The following PPFIA4 variants were observed in gnomAD, a reference collection of about 807,000 sequenced individuals.
PPFIA4 encodes the protein liprin-alpha-4.
PPFIA4 carries 98 observed loss-of-function variants against 145.7 expected under a neutral mutation model. The observed-to-expected ratio is 0.67, with a 90% CI of 0.57 to 0.80. The LOEUF (loss-of-function observed/expected upper bound fraction) is 0.80. PPFIA4 is among the 30% of genes least tolerant of loss of function. The pLI, the probability that PPFIA4 is intolerant of heterozygous loss-of-function variation, is 0.00. For missense variants in PPFIA4, 1,457 were observed against 1,632.7 expected (o/e 0.89, Z 1.85); for synonymous variants, 628 against 649.6 (o/e 0.97, Z 0.51).
chr1:203,043,520 TCG>T lies in PPFIA4; in HGVS notation c.336+32_336+33del, dbSNP rs753597742. ...ACGGGTAAGTGGGGATGACCTTGTG[TCG>T]CGCGCGCGCACGTGTGTGTGTGTGT... On this transcript the variant is annotated intron_variant, in intron 3 of 29. Transcript: ENST00000295706. This position sits in a 1 kb window ranked among gnomAD's most constrained non-coding sequence, Gnocchi z 4.4. The T allele has an allele frequency of 3.2e-5, 50 of 1,584,384 alleles. No individual in the cohort carries two copies. The African/African-American group carries it at 3.8e-4, about 12-fold the overall frequency.
At chr1:203,063,626 T>A in intron 24 of PPFIA4, 2 of 555,818 alleles carry the variant, frequency 3.6e-6, no homozygotes. Flanking sequence ...CATTTCGAGA[T>A]CTTAAAAAGT....
At position 203,075,467 on chromosome 1, in the gene PPFIA4, G is replaced by A. The variant is rs878941985; in HGVS notation, c.3394-110G>A. On this transcript the variant is annotated intron_variant, in intron 28 of 29. Coordinates refer to ENST00000295706, the MANE Select transcript of PPFIA4 (RefSeq NM_001304331.2). This position sits in a 1 kb window ranked among gnomAD's most constrained non-coding sequence, Gnocchi z 4.1. ...GTGACCTCGCTCCCTCTTTCCAAAG[G>A]GGTGGGAGTGGTGCCCCTTGAACCA... 231 of 879,068 alleles carry A rather than the reference G, an allele frequency of 2.6e-4. No homozygotes were observed. The highest frequency in any genetic ancestry group is 1.0e-3 in the South Asian group (26 of 25,916). 54.5% of individuals were successfully genotyped at this position (879,068 alleles called of 1,614,324 possible).
chr1:203,038,865 T>C lies in PPFIA4; in HGVS notation c.-144T>C. 1.7e-6 allele frequency: 1 copy of C among 591,746 alleles called. No individual in the cohort carries two copies. Among genetic ancestry groups the C allele is most frequent in the South Asian group, 2.1e-5 (1 of 47,730 alleles). 36.7% of individuals were successfully genotyped at this position (591,746 alleles called of 1,614,324 possible). A position where few individuals can be genotyped will look rare whatever the true frequency, so the allele number is the denominator to read the frequency against. ...CCCCTTTCAGAGCAAAAGCAACTGA[T>C]GCTATGGGAGAAGCCCCTGCCCACC... On this transcript the variant is annotated 5_prime_UTR_variant, in exon 2 of 30. It removes an upstream start codon present in the reference 5' UTR. Coordinates refer to ENST00000295706, the MANE Select transcript of PPFIA4 (RefSeq NM_001304331.2).
chr1:203,054,671 G>GACACACAC (rs57027876), intron 15 of PPFIA4, among the ~76,000 whole-genome samples: 206 of 148,406 alleles, frequency 1.4e-3, no homozygotes, highest in African/African-American at 2.1e-3. Flanking sequence ...TTACAAAGAA[G>GACACACAC]ACACACACAC....
chr1:203,031,832 T>C (rs1167949258), intron 1 of PPFIA4, among the ~76,000 whole-genome samples: 1 of 152,242 alleles, frequency 6.6e-6, no homozygotes, highest in Non-Finnish European at 1.5e-5. Flanking sequence ...GCAGAAGATG[T>C]CTAGGGTTTT....
intron 25 of PPFIA4, 120 bp downstream of exon 25, chr1:203,064,123 A>T: frequency 9.3e-7 from 1 of 1,073,244 alleles, no homozygotes; most frequent in Non-Finnish European, 1.3e-6. Context: ...GAGTGGCAAC[A>T]GGTCTCCCCC....
chr1:203,057,120 C>T (rs1007239377), intron 19 of PPFIA4, among the ~76,000 whole-genome samples, 170 bp downstream of exon 19: 8 of 152,300 alleles, frequency 5.3e-5, no homozygotes, highest in African/African-American at 1.2e-4. Context: ...CTATTCATGG[C>T]GGGGTGGATT....
At chr1:203,038,125 A>G (rs1659433968) in intron 1 of PPFIA4, among the ~76,000 whole-genome samples, 1 of 152,178 alleles carries the variant, frequency 6.6e-6, no homozygotes, top group Non-Finnish European at 1.5e-5. Context: ...GGACCCCAAG[A>G]GTCCAGCCTT....
intron 1 of PPFIA4, among the ~76,000 whole-genome samples, chr1:203,032,426 C>CTTTTTTTTTTTTT (rs67178955): frequency 0.14 from 8,015 of 58,742 alleles, 435 homozygotes; most frequent in East Asian, 0.21. Context: ...CCCTTCCCCG[C>CTTTTTTTTTTTTT]TTTTTTGTTG....
At chr1:203,049,635 T>G in intron 12 of PPFIA4, 41 bp from the exon 13 acceptor site, 6 of 730,750 alleles carry the variant, frequency 8.2e-6, no homozygotes, top group Non-Finnish European at 1.0e-5. Flanking sequence ...TGCCCCTCCC[T>G]GGCCCCCACT....
chr1:203,037,503 C>A (rs1042067234), intron 1 of PPFIA4, among the ~76,000 whole-genome samples: 29 of 152,330 alleles, frequency 1.9e-4, no homozygotes, highest in African/African-American at 7.0e-4. Context: ...TGAAGACAGT[C>A]CTCTCTGAAA....
intron 27 of PPFIA4, among the ~76,000 whole-genome samples, chr1:203,069,881 G>A (rs1265745805): frequency 2.0e-5 from 3 of 151,238 alleles, no homozygotes; most frequent in East Asian, 2.0e-4. Context: ...GGCAAGCCTC[G>A]TCTGCCACTT....
At chr1:203,059,324 T>G in intron 20 of PPFIA4, 53 bp downstream of exon 20, 1 of 1,388,734 alleles carries the variant, frequency 7.2e-7, no homozygotes, top group Non-Finnish European at 1.0e-6. Context: ...CCCTACCCAC[T>G]TCCCTTCCCC....
rs1008467959 is a variant in PPFIA4, at chr1:203,048,986, C to T, written c.1419+6C>T. 24 of 1,548,400 alleles carry T rather than the reference C, an allele frequency of 1.5e-5. No individual in the cohort carries two copies. Among genetic ancestry groups the T allele is most frequent in the Middle Eastern group, 2.1e-4 (1 of 4,720 alleles). ...AGGAGCAGCACCACCACAAGGTACC[C>T]GGCTGCGGCCAGCCCCGCCCAGCCT... On this transcript the variant is annotated splice_donor_region_variant and intron_variant, in intron 12 of 29. Transcript: ENST00000295706. The surrounding 1 kb of genome is among the most constrained non-coding windows in gnomAD (Gnocchi z 5.8).
chr1:203,049,673 C>T lies in PPFIA4; in HGVS notation c.1420-3C>T, dbSNP rs1382504662. ...CGCCCCCACCCCGGGTCTGCTGGCACAGGGCCGCCTGTCTGAAGAGATTGA... is the reference window on the plus strand; with the variant it reads ...CGCCCCCACCCCGGGTCTGCTGGCATAGGGCCGCCTGTCTGAAGAGATTGA... On this transcript the variant is annotated splice_region_variant and splice_polypyrimidine_tract_variant and intron_variant, in intron 12 of 29. Coordinates refer to ENST00000295706, the MANE Select transcript of PPFIA4 (RefSeq NM_001304331.2). 1.9e-6 allele frequency: 3 copies of T among 1,542,414 alleles called. No homozygotes were observed. Among genetic ancestry groups the T allele is most frequent in the Non-Finnish European group, 2.6e-6 (3 of 1,143,054 alleles).
rs183469434 is a variant in PPFIA4, at chr1:203,038,981, C to G, written c.-28C>G. 7.8e-7 allele frequency: 1 copy of G among 1,276,086 alleles called. No individual in the cohort carries two copies. The allele number at this position is 1,276,086 out of a possible 1,614,324, so 79.0% of individuals were successfully genotyped here. On this transcript the variant is annotated 5_prime_UTR_variant, in exon 2 of 30. Coordinates refer to ENST00000295706, the MANE Select transcript of PPFIA4 (RefSeq NM_001304331.2). Reference sequence around the variant, plus strand: ...CTGTGAGTCCCTCCCTGTCCCCTGACGCTGAGAAGGCCCTGCCAACCCCCA... The same window carrying G: ...CTGTGAGTCCCTCCCTGTCCCCTGAGGCTGAGAAGGCCCTGCCAACCCCCA...
chr1:203,034,634 G>C (rs115130532), intron 1 of PPFIA4: 261 of 456,706 alleles, frequency 5.7e-4, no homozygotes, highest in African/African-American at 5.0e-3. Context: ...TGGGTGCGTG[G>C]AGGATGGGGC....
At chr1:203,030,031 T>C (rs542940465) in intron 1 of PPFIA4, among the ~76,000 whole-genome samples, 1 of 152,370 alleles carries the variant, frequency 6.6e-6, no homozygotes, top group African/African-American at 2.4e-5. Context: ...GTTAGATATA[T>C]ACTTGATGTG....
chr1:203,045,471 C>A lies in PPFIA4; in HGVS notation c.770C>A (p.Thr257Asn). 6.2e-7 allele frequency: 1 copy of A among 1,609,688 alleles called. No homozygotes were observed. The highest frequency in any genetic ancestry group is 8.5e-7 in the Non-Finnish European group (1 of 1,178,640). ...CTGGTCACCCTAACAACAACCGTGA[C>A]TGAACTCGAGGAGGACCTGGGCACG... Reference protein sequence around the residue: ...ERLVTLTTTVTELEEDLGTAR... With the variant: ...ERLVTLTTTVNELEEDLGTAR... The change falls in exon 7 of 30, where the codon ACT becomes AAT. Residue 257 changes from threonine (T) to asparagine (N), a missense_variant. Around this residue, in one of 3 missense-constraint regions of PPFIA4, gnomAD observed 463 missense variants for 459.8 expected, o/e 1.01. Transcript: ENST00000295706.
Sources: allele counts gnomAD v4.1 joint callset (sites outside exome capture counted in the v4.1 genomes callset), GRCh38; gene constraint gnomAD v4.1.1; regional missense constraint gnomAD v4.1.1; non-coding constraint Gnocchi (gnomAD v3.1); transcripts MANE v1.5; gene names NCBI Gene and HGNC (gene_info 2026-07-23, HGNC 2026-07-21).